Variants in IGF1R observed in about 807,000 individuals in gnomAD.
The protein encoded by IGF1R is insulin-like growth factor 1 receptor.
A neutral mutation model predicts 144.6 loss-of-function variants in IGF1R; 44 were observed. The observed-to-expected ratio is 0.30, with a 90% CI of 0.24 to 0.39. The LOEUF is 0.39. Among genes scored for constraint, IGF1R ranks in the 10% least tolerant of loss-of-function variants. IGF1R has a pLI of 1.00. For missense variants in IGF1R, 1,355 were observed against 1,833.7 expected (o/e 0.74, Z 4.77); for synonymous variants, 795 against 722.8 (o/e 1.10, Z -1.60).
At chr15:98,748,627 T>C (rs1280273732) in intron 2 of IGF1R, among the ~76,000 whole-genome samples, 1 of 152,198 alleles carries the variant, frequency 6.6e-6, no homozygotes, top group Non-Finnish European at 1.5e-5. Flanking sequence ...ACTGGAAAAT[T>C]AGAAAACTGT....
chr15:98,690,489 C>G (rs563630913), intron 1 of IGF1R, among the ~76,000 whole-genome samples: 3 of 152,326 alleles, frequency 2.0e-5, no homozygotes, highest in African/African-American at 7.2e-5. Context: ...GCTATGCAAG[C>G]AAAAATGCTA....
rs45486504 is a variant in IGF1R, at chr15:98,922,190, C to T, written c.2244C>T (p.Thr748=). ...KRRDVMQVAN[T]TMSSRSRNTT... ...GAGATGTCATGCAAGTGGCCAACAC[C>T]ACCATGTCCAGCCGAAGCAGGAACA... Residue 748 remains threonine, a synonymous_variant, in exon 11 of 21, where the codon ACC becomes ACT. Coordinates refer to ENST00000650285, the MANE Select transcript of IGF1R (RefSeq NM_000875.5). 1.2e-6 allele frequency: 2 copies of T among 1,614,202 alleles called. No homozygotes were observed. Among genetic ancestry groups the T allele is most frequent in the African/African-American group, 1.3e-5 (1 of 75,054 alleles).
chr15:98,765,340 A>G (rs60563487), intron 2 of IGF1R, among the ~76,000 whole-genome samples: 6,078 of 95,664 alleles, frequency 0.064, 211 homozygotes, highest in Middle Eastern at 0.2. Context: ...TTTTTTTGAG[A>G]CAGTCTCGCT....
chr15:98,811,039 G>A (rs2056578832), intron 2 of IGF1R, among the ~76,000 whole-genome samples: 1 of 151,758 alleles, frequency 6.6e-6, no homozygotes, highest in African/African-American at 2.4e-5. Flanking sequence ...GGTGGCTCAC[G>A]CCTGTAATCC....
At chr15:98,792,337 G>A (rs2056145713) in intron 2 of IGF1R, among the ~76,000 whole-genome samples, 1 of 152,168 alleles carries the variant, frequency 6.6e-6, no homozygotes, top group Non-Finnish European at 1.5e-5. Context: ...ATATAACTTA[G>A]CATTTATAAG....
intron 1 of IGF1R, among the ~76,000 whole-genome samples, chr15:98,682,258 G>A (rs934113004): frequency 3.3e-5 from 5 of 152,146 alleles, no homozygotes; most frequent in African/African-American, 7.2e-5. Flanking sequence ...TTTCCAGGAG[G>A]AGCTGGGAAG....
At chr15:98,855,101 C>T (rs67013044) in intron 2 of IGF1R, among the ~76,000 whole-genome samples, 12,494 of 152,226 alleles carry the variant, frequency 0.082, 690 homozygotes, top group African/African-American at 0.14. Context: ...TCTTGCCTTC[C>T]GCGCTAATGG....
chr15:98,901,399 G>T lies in IGF1R; in HGVS notation c.1247+1778G>T, dbSNP rs375068817. On this transcript the variant is annotated intron_variant, in intron 5 of 20. Coordinates refer to ENST00000650285, the MANE Select transcript of IGF1R (RefSeq NM_000875.5). Reference sequence around the variant, plus strand: ...AGAATCTTTTACCTCCCGATGGGAAGTTTTCTCTCACCCTGTCTTCCTGGC... The same window carrying T: ...AGAATCTTTTACCTCCCGATGGGAATTTTTCTCTCACCCTGTCTTCCTGGC... Among the ~76,000 whole-genome samples, 24 of 152,312 alleles carry T rather than the reference G, an allele frequency of 1.6e-4. No homozygotes were observed. The South Asian group carries it at 3.5e-3, about 22-fold the overall frequency.
chr15:98,784,660 C>CT (rs2055945958), intron 2 of IGF1R, among the ~76,000 whole-genome samples: 1 of 152,020 alleles, frequency 6.6e-6, no homozygotes, highest in East Asian at 1.9e-4. Flanking sequence ...TCCTTCAGTT[C>CT]TACATCTGCG....
intron 1 of IGF1R, among the ~76,000 whole-genome samples, chr15:98,703,524 A>C (rs2053786930): frequency 6.6e-6 from 1 of 152,246 alleles, no homozygotes; most frequent in Non-Finnish European, 1.5e-5. Context: ...GCTGGTTCCT[A>C]GGCCCTGCCT....
At chr15:98,726,109 G>A (rs373289550) in intron 2 of IGF1R, among the ~76,000 whole-genome samples, 1 of 152,162 alleles carries the variant, frequency 6.6e-6, no homozygotes, top group Non-Finnish European at 1.5e-5. Context: ...CAGGCACCTC[G>A]CCAGTATTCT....
chr15:98,761,503 C>T (rs2055294318), intron 2 of IGF1R, among the ~76,000 whole-genome samples: 1 of 152,182 alleles, frequency 6.6e-6, no homozygotes, highest in South Asian at 2.1e-4. Flanking sequence ...CCGTAATTTG[C>T]CTCCACAGTT....
rs1229339124 is a variant in IGF1R at position 98,889,845 on chromosome 15, G to T, written c.641-1480G>T. Among the ~76,000 whole-genome samples, 49 of 152,128 alleles carry T rather than the reference G, an allele frequency of 3.2e-4. 1 individual carries two copies. The highest frequency in any genetic ancestry group is 3.1e-3 in the Admixed American group (48 of 15,278). On this transcript the variant is annotated intron_variant, in intron 2 of 20. Transcript: ENST00000650285. ...CTAGAATCTCCACTCAATATTGCAT[G>T]TCAGAGTCAAAAAGATACACATTTA...
At position 98,899,634 on chromosome 15, in the gene IGF1R, A is replaced by G. The variant is rs758016515; in HGVS notation, c.1247+13A>G. On this transcript the variant is annotated intron_variant, in intron 5 of 20. Coordinates refer to ENST00000650285, the MANE Select transcript of IGF1R (RefSeq NM_000875.5). ...AGCAGCTAGAAGGGTAAGTGCCCCA[A>G]ATTTCATGAGCTGACGTTCTATTAC... 7.4e-6 allele frequency: 12 copies of G among 1,613,494 alleles called. No individual in the cohort carries two copies. Among genetic ancestry groups the G allele is most frequent in the South Asian group, 4.4e-5 (4 of 91,046 alleles).
intron 2 of IGF1R, among the ~76,000 whole-genome samples, chr15:98,781,250 C>T (rs2055855033): frequency 6.6e-6 from 1 of 152,194 alleles, no homozygotes; most frequent in Admixed American, 6.5e-5. Flanking sequence ...ACTTCTGCAG[C>T]TTGTTTGGAG....
rs2017336017 is a variant in IGF1R, at chr15:98,964,190, TGA to T, written c.*6750_*6751del. On this transcript the variant is annotated 3_prime_UTR_variant, in exon 21 of 21. Coordinates refer to ENST00000650285, the MANE Select transcript of IGF1R (RefSeq NM_000875.5). ...GATGCACCGCAAATAATGCATTTTCTGAGTTTTCTTGTTAAAAAAAAATTTTT... is the reference window on the plus strand; with the variant it reads ...GATGCACCGCAAATAATGCATTTTCTGTTTTCTTGTTAAAAAAAAATTTTT... 1 of 232,680 alleles carries T rather than the reference TGA, an allele frequency of 4.3e-6. No homozygotes were observed. Among genetic ancestry groups the T allele is most frequent in the African/African-American group, 2.2e-5 (1 of 45,244 alleles). The allele number at this position is 232,680 out of a possible 1,614,324, so 14.4% of individuals were successfully genotyped here.
Position 98,736,092 on chromosome 15 carries a change from ACAATC to A in IGF1R, c.640+27989_640+27993del, listed in dbSNP as rs2054602457. On this transcript the variant is annotated intron_variant, in intron 2 of 20. Transcript: ENST00000650285. ...TGTATCATTTTTATTAAAAAGAAAA[ACAATC>A]CAACCAAGAGAGGAAGTGTAGCCAG... 2.0e-5 allele frequency among the ~76,000 whole-genome samples: 3 copies of A among 152,348 alleles called. No individual in the cohort carries two copies. The South Asian group carries it at 6.2e-4, about 32-fold the overall frequency.
rs369618859 is a variant in IGF1R at position 98,896,721 on chromosome 15, A to G, written c.954-36A>G. ...TTAATGCAAGAAGACAGACTCAATT[A>G]TGTGTGTTTTTGATTTTTTTTTTCT... On this transcript the variant is annotated intron_variant, in intron 3 of 20. Coordinates refer to ENST00000650285, the MANE Select transcript of IGF1R (RefSeq NM_000875.5). 6.2e-6 allele frequency: 10 copies of G among 1,603,738 alleles called. No homozygotes were observed. The Admixed American group carries it at 1.2e-4, about 19-fold the overall frequency.
chr15:98,904,047 G>T (rs763917113), intron 5 of IGF1R, among the ~76,000 whole-genome samples: 8 of 127,378 alleles, frequency 6.3e-5, no homozygotes, highest in Non-Finnish European at 9.7e-5. Context: ...AATGATGGGT[G>T]AATTTTTTTT....
Sources: gnomAD v4.1 joint callset for allele counts (sites outside exome capture counted in the v4.1 genomes callset) on GRCh38, gnomAD v4.1.1 for gene constraint, MANE v1.5 for transcripts, NCBI Gene and HGNC (gene_info 2026-07-23, HGNC 2026-07-21) for gene names.